The following PRXL2C variants were observed in gnomAD, a reference collection of about 807,000 sequenced individuals.
PRXL2C encodes peroxiredoxin-like 2C.
A neutral mutation model predicts 24.9 loss-of-function variants in PRXL2C; 38 were observed. The observed-to-expected ratio is 1.53, with a 90% CI of 1.18 to 2.00. PRXL2C has a LOEUF of 2.00. Among genes scored for constraint, PRXL2C ranks in the 30% most tolerant of loss-of-function variants. PRXL2C has a pLI of 0.00. For missense variants in PRXL2C, 294 were observed against 290.9 expected, an observed-to-expected ratio of 1.01 and a Z score of -0.08; for synonymous variants, 98 against 117.2, an observed-to-expected ratio of 0.84 and a Z score of 1.06.
intron 1 of PRXL2C, 68 bp downstream of exon 1, chr9:96,655,022 G>A (rs1389628130): frequency 9.2e-6 from 13 of 1,406,942 alleles, no homozygotes; most frequent in African/African-American, 1.5e-5. Flanking sequence ...AGGAGGCGCG[G>A]CTCGCATCCC....
At chr9:96,650,266 A>G (rs1447182318) in intron 4 of PRXL2C, among the ~76,000 whole-genome samples, 1 of 152,196 alleles carries the variant, frequency 6.6e-6, no homozygotes, top group East Asian at 1.9e-4. Flanking sequence ...TCCTGGGAGC[A>G]TCCAACACAG....
chr9:96,644,378 AAATACATCTGTTC>A (rs1468289453), intron 5 of PRXL2C, among the ~76,000 whole-genome samples: 1 of 152,176 alleles, frequency 6.6e-6, no homozygotes, highest in African/African-American at 2.4e-5. Flanking sequence ...ACATCTGTTC[AAATACATCTGTTC>A]AAACACTTAG....
chr9:96,649,422 G>C (rs1407121057), intron 4 of PRXL2C, among the ~76,000 whole-genome samples: 3 of 123,384 alleles, frequency 2.4e-5, no homozygotes, highest in Non-Finnish European at 4.4e-5. Flanking sequence ...AAATTAGCAG[G>C]GCATGGTGGT....
chr9:96,642,049 C>A lies in PRXL2C; in HGVS notation c.554-163G>T, dbSNP rs116549482. Among the ~76,000 whole-genome samples, 1,511 of 152,074 alleles carry A rather than the reference C, an allele frequency of 9.9e-3. 19 individuals are homozygous for A. The highest frequency in any genetic ancestry group is 0.035 in the African/African-American group (1,439 of 41,464). On this transcript the variant is annotated intron_variant, in intron 5 of 5. Transcript: ENST00000375234. ...ATATAATGCCATAATAATTTTAAAT[C>A]ATGGTAATAAAGTATGACAAGGATT...
intron 4 of PRXL2C, among the ~76,000 whole-genome samples, 200 bp from the exon 5 acceptor site, chr9:96,646,224 T>G (rs1233453639): frequency 6.6e-6 from 1 of 152,200 alleles, no homozygotes; most frequent in East Asian, 1.9e-4. Context: ...CTATACCCAC[T>G]AAATACCAGT....
At position 96,640,696 on chromosome 9, in the gene PRXL2C, G is replaced by T. The variant is rs900795449; in HGVS notation, c.*1063C>A. 6.0e-5 allele frequency: 9 copies of T among 151,140 alleles called. No homozygotes were observed. Among genetic ancestry groups the T allele is most frequent in the African/African-American group, 2.2e-4 (9 of 41,074 alleles). 9.4% of individuals were successfully genotyped at this position (151,140 alleles called of 1,614,324 possible). On this transcript the variant is annotated 3_prime_UTR_variant, in exon 6 of 6. Transcript: ENST00000375234. ...AAATACAAAAAATTAGCCGGGCGTG[G>T]TGGTGGGTGCCTGTAGTCCCAGCTA... is the stretch of plus-strand genomic sequence containing the variant.
chr9:96,644,643 G>A (rs1359724607), intron 5 of PRXL2C, among the ~76,000 whole-genome samples: 2 of 151,782 alleles, frequency 1.3e-5, no homozygotes, highest in Non-Finnish European at 2.9e-5. Context: ...GCACCACCAC[G>A]CCCGGCTAAT....
intron 4 of PRXL2C, among the ~76,000 whole-genome samples, chr9:96,648,679 A>C (rs1386425937): frequency 6.6e-6 from 1 of 152,216 alleles, no homozygotes; most frequent in Non-Finnish European, 1.5e-5. Context: ...TATTCAACTT[A>C]GTATTCATCT....
chr9:96,641,986 A>G (rs1848123510), intron 5 of PRXL2C, 100 bp from the exon 6 acceptor site: 1 of 1,057,042 alleles, frequency 9.5e-7, no homozygotes, highest in Non-Finnish European at 1.3e-6. Context: ...ATTAGTCCAA[A>G]GGGAAAAATT....
chr9:96,641,824 C>CA lies in PRXL2C; in HGVS notation c.615dup (p.Val206CysfsTer24), dbSNP rs1276345826. On this transcript the variant is annotated frameshift_variant, in exon 6 of 6. Transcript: ENST00000375234. LOFTEE classifies it high-confidence loss of function. The stretch of plus-strand genomic sequence containing the variant: ...TGCTGAACTCCTACAAGCTGTAAAA[C>CA]AGAGTTGATAGGTTTGTGATCCAAC... 1.3e-6 allele frequency: 2 copies of CA among 1,570,912 alleles called. No homozygotes were observed. The highest frequency in any genetic ancestry group is 4.5e-5 in the East Asian group (2 of 43,970).
chr9:96,655,072 G>A lies in PRXL2C; in HGVS notation c.192+18C>T. 2.1e-6 allele frequency: 3 copies of A among 1,457,204 alleles called. No individual in the cohort carries two copies. The highest frequency in any genetic ancestry group is 2.7e-6 in the Non-Finnish European group (3 of 1,111,146). The allele number at this position is 1,457,204 out of a possible 1,614,324, so 90.3% of individuals were successfully genotyped here. A position where few individuals can be genotyped will look rare whatever the true frequency, so the allele number is the denominator to read the frequency against. On this transcript the variant is annotated intron_variant, in intron 1 of 5. Coordinates refer to ENST00000375234, the MANE Select transcript of PRXL2C (RefSeq NM_153698.2). ...GACCCTGGGCCGCGCTTCCCTTCCA[G>A]CCCCGCCGCCCGCTCACCCGCACGA... is the stretch of plus-strand genomic sequence containing the variant.
rs1386609541 is a variant in PRXL2C at position 96,640,943 on chromosome 9, CA to C, written c.*815del. The C allele has an allele frequency of 6.6e-6, 1 of 152,116 alleles. No homozygotes were observed. The highest frequency in any genetic ancestry group is 1.5e-5 in the Non-Finnish European group (1 of 68,086). The allele number at this position is 152,116 out of a possible 1,614,324, so 9.4% of individuals were successfully genotyped here. ...ACAATTTTTTTCTCCATAGCTCCCC[CA>C]ACCCCCCAAAATCCTAGTGAAACGG... On this transcript the variant is annotated 3_prime_UTR_variant, in exon 6 of 6. Transcript: ENST00000375234.
intron 4 of PRXL2C, among the ~76,000 whole-genome samples, chr9:96,647,781 G>A (rs897281940): frequency 1.3e-4 from 20 of 152,010 alleles, no homozygotes; most frequent in African/African-American, 4.1e-4. Flanking sequence ...TCCCACCTCC[G>A]CCTCCCAAAG....
Position 96,655,070 on chromosome 9 carries a change from C to T in PRXL2C, c.192+20G>A, listed in dbSNP as rs1218833909. On this transcript the variant is annotated intron_variant, in intron 1 of 5. Transcript: ENST00000375234. Reference sequence around the variant, plus strand: ...GGGACCCTGGGCCGCGCTTCCCTTCCAGCCCCGCCGCCCGCTCACCCGCAC... The same window carrying T: ...GGGACCCTGGGCCGCGCTTCCCTTCTAGCCCCGCCGCCCGCTCACCCGCAC... 1 of 1,458,138 alleles carries T rather than the reference C, an allele frequency of 6.9e-7. No homozygotes were observed. Among genetic ancestry groups the T allele is most frequent in the Admixed American group, 2.5e-5 (1 of 39,648 alleles). The allele number at this position is 1,458,138 out of a possible 1,614,324, so 90.3% of individuals were successfully genotyped here. A position where few individuals can be genotyped will look rare whatever the true frequency, so the allele number is the denominator to read the frequency against.
intron 4 of PRXL2C, among the ~76,000 whole-genome samples, chr9:96,649,765 G>A (rs1848245912): frequency 6.6e-6 from 1 of 151,822 alleles, no homozygotes. Flanking sequence ...TGCTCCACAT[G>A]GGTTATATGA....
At chr9:96,650,784 A>G (rs1848255045) in intron 4 of PRXL2C, among the ~76,000 whole-genome samples, 1 of 152,190 alleles carries the variant, frequency 6.6e-6, no homozygotes, top group Non-Finnish European at 1.5e-5. Context: ...ACACTACCAT[A>G]TCTTTTAAAA....
At chr9:96,648,871 T>C (rs1436516927) in intron 4 of PRXL2C, among the ~76,000 whole-genome samples, 4 of 151,720 alleles carry the variant, frequency 2.6e-5, no homozygotes, top group African/African-American at 9.7e-5. Context: ...CCTTCTGGGG[T>C]CAAGCAATTC....
chr9:96,652,199 A>G (rs1163113030), intron 2 of PRXL2C, among the ~76,000 whole-genome samples: 1 of 152,216 alleles, frequency 6.6e-6, no homozygotes, highest in African/African-American at 2.4e-5. Flanking sequence ...AATTCAAACA[A>G]CTTTGCAAGA....
At chr9:96,653,528 G>A (rs1441474561) in intron 2 of PRXL2C, among the ~76,000 whole-genome samples, 1 of 152,094 alleles carries the variant, frequency 6.6e-6, no homozygotes. Context: ...TGCACACCAT[G>A]GTGACTATAG....
Sources: gnomAD v4.1 joint callset for allele counts (sites outside exome capture counted in the v4.1 genomes callset) on GRCh38, gnomAD v4.1.1 for gene constraint, MANE v1.5 for transcripts, NCBI Gene and HGNC (gene_info 2026-07-23, HGNC 2026-07-21) for gene names.